MBD3: variants seen among roughly 807,000 people sequenced by gnomAD.
MBD3 encodes methyl-CpG binding domain protein 3, also known as methyl-CpG-binding domain protein 3.
In MBD3, 13 loss-of-function variants were observed where a neutral mutation model predicts 31.2. That is an observed-to-expected ratio of 0.42 (90% CI 0.27 to 0.66). The LOEUF (loss-of-function observed/expected upper bound fraction) is 0.66. Among genes scored for constraint, MBD3 ranks in the 30% least tolerant of loss-of-function variants. MBD3 has a pLI of 0.26. For synonymous variants in MBD3, 223 were observed against 187.4 expected (o/e 1.19, Z -1.55); for missense variants, 440 against 426.5 (o/e 1.03, Z -0.28).
chr19:1,585,158 G>C lies in MBD3; in HGVS notation c.167C>G (p.Ser56Cys), dbSNP rs1420213030. The C allele has an allele frequency of 6.2e-7, 1 of 1,610,058 alleles. No individual in the cohort carries two copies. Among genetic ancestry groups the C allele is most frequent in the Non-Finnish European group, 8.5e-7 (1 of 1,179,418 alleles). The change falls in exon 2 of 7, where the codon TCC (serine) becomes TGC (cysteine). Residue 56 changes from serine (S) to cysteine (C), a missense_variant. Transcript: ENST00000434436. The surrounding 1 kb of genome is among the most constrained non-coding windows in gnomAD (Gnocchi z 4.1). ...GAAGTCGAAGGTGCTCAGGTCCATG[G>C]AGCCGCCCAGGTAGCGCGCCAGCTG... ...KPQLARYLGG[S>C]MDLSTFDFRT...
At chr19:1,584,883 A>C in intron 2 of MBD3, 172 bp downstream of exon 2, 1 of 1,103,728 alleles carries the variant, frequency 9.1e-7, no homozygotes, top group Non-Finnish European at 1.3e-6. Context: ...CGTCCTCGCC[A>C]TGCGCCTTGC....
At position 1,575,356 on chromosome 19, in the gene MBD3, C is replaced by T. The variant is rs1207369818; in HGVS notation, c.*2808G>A. Reference sequence around the variant, plus strand: ...TGGAGGTTGCAGTGAGCCCAGATCACGCCACTGCACTCCAGCCTGTGCAAC... The same window carrying T: ...TGGAGGTTGCAGTGAGCCCAGATCATGCCACTGCACTCCAGCCTGTGCAAC... On this transcript the variant is annotated 3_prime_UTR_variant, in exon 7 of 7. Coordinates refer to ENST00000434436, the MANE Select transcript of MBD3 (RefSeq NM_001281453.2). 1.2e-5 allele frequency: 5 copies of T among 416,766 alleles called. No individual in the cohort carries two copies. Among genetic ancestry groups the T allele is most frequent in the South Asian group, 1.6e-5 (1 of 61,890 alleles). The allele number at this position is 416,766 out of a possible 1,614,324, so 25.8% of individuals were successfully genotyped here.
rs753031769 is a variant in MBD3, at chr19:1,584,683, G to A, written c.271-6C>T. 6 of 1,610,266 alleles carry A rather than the reference G, an allele frequency of 3.7e-6. No individual in the cohort carries two copies. Among genetic ancestry groups the A allele is most frequent in the Non-Finnish European group, 5.1e-6 (6 of 1,179,524 alleles). On this transcript the variant is annotated splice_region_variant and splice_polypyrimidine_tract_variant and intron_variant, in intron 2 of 6. Transcript: ENST00000434436. ...GTGTTCAGGTCGGGCTTGCCCTGCG[G>A]GAGGAAGGATATGCAGTCCGGCCTG...
Position 1,592,545 on chromosome 19 carries a change from G to T in MBD3, c.87C>A (p.Gly29=), listed in dbSNP as rs1380835567. 1.4e-6 allele frequency: 2 copies of T among 1,438,844 alleles called. No homozygotes were observed. The highest frequency in any genetic ancestry group is 1.9e-6 in the Non-Finnish European group (2 of 1,073,222). 89.1% of individuals were successfully genotyped at this position (1,438,844 alleles called of 1,614,324 possible). A position where few individuals can be genotyped will look rare whatever the true frequency, so the allele number is the denominator to read the frequency against. The part of the protein sequence containing the change: ...EVPRRSGLSA[G]HRDVFYYSPS... ...ACCTATAGTAAAAGACATCCCTGTGGCCGGCCGACAGCCCCGACCTTCTGG... is the reference window on the plus strand; with the variant it reads ...ACCTATAGTAAAAGACATCCCTGTGTCCGGCCGACAGCCCCGACCTTCTGG... Residue 29 remains glycine, a synonymous_variant, in exon 1 of 7, where the codon GGC becomes GGA. Coordinates refer to ENST00000434436, the MANE Select transcript of MBD3 (RefSeq NM_001281453.2).
In MBD3 at chr19:1,592,557, C is replaced by T. The variant is rs776072263; in HGVS notation, c.75G>A (p.Gly25=). The part of the protein sequence containing the change: ...WEREEVPRRS[G]LSAGHRDVFY... Reference sequence around the variant, plus strand: ...AGACATCCCTGTGGCCGGCCGACAGCCCCGACCTTCTGGGCACTTCTTCCC... The same window carrying T: ...AGACATCCCTGTGGCCGGCCGACAGTCCCGACCTTCTGGGCACTTCTTCCC... Residue 25 remains glycine (G), a synonymous_variant, in exon 1 of 7, where the codon GGG becomes GGA. Coordinates refer to ENST00000434436, the MANE Select transcript of MBD3 (RefSeq NM_001281453.2). 6.9e-7 allele frequency: 1 copy of T among 1,444,428 alleles called. No individual in the cohort carries two copies. Among genetic ancestry groups the T allele is most frequent in the South Asian group, 1.2e-5 (1 of 85,546 alleles). The allele number at this position is 1,444,428 out of a possible 1,614,324, so 89.5% of individuals were successfully genotyped here.
At chr19:1,579,890 T>C (rs1373679657) in intron 5 of MBD3, among the ~76,000 whole-genome samples, 3 of 152,238 alleles carry the variant, frequency 2.0e-5, no homozygotes, top group Admixed American at 1.3e-4. Flanking sequence ...CCCGAGTACC[T>C]GGGACTACAG....
intron 5 of MBD3, among the ~76,000 whole-genome samples, chr19:1,579,015 C>T (rs1917283465): frequency 6.6e-6 from 1 of 151,908 alleles, no homozygotes; most frequent in Non-Finnish European, 1.5e-5. Context: ...GAAACCCCAT[C>T]TCTACTAAAA....
rs899736500 is a variant in MBD3 at position 1,575,324 on chromosome 19, C to A, written c.*2840G>T. 6.8e-6 allele frequency: 3 copies of A among 440,094 alleles called. No individual in the cohort carries two copies. The highest frequency in any genetic ancestry group is 2.0e-5 in the African/African-American group (1 of 49,662). 27.3% of individuals were successfully genotyped at this position (440,094 alleles called of 1,614,324 possible). On this transcript the variant is annotated 3_prime_UTR_variant, in exon 7 of 7. Transcript: ENST00000434436. ...TACTCGGGAGGCTGAGGCTTGAACC[C>A]AGAAGGTGGAGGTTGCAGTGAGCCC...
chr19:1,591,229 AG>A (rs1390482514), intron 1 of MBD3, among the ~76,000 whole-genome samples: 1 of 152,224 alleles, frequency 6.6e-6, no homozygotes, highest in Non-Finnish European at 1.5e-5. Context: ...GGACGTGTAC[AG>A]GGTTCCAGCT....
intron 4 of MBD3, among the ~76,000 whole-genome samples, 180 bp downstream of exon 4, chr19:1,582,442 G>A: frequency 6.6e-6 from 1 of 152,096 alleles, no homozygotes; most frequent in Non-Finnish European, 1.5e-5. Flanking sequence ...CCCAGCCCAA[G>A]CGCCCTTACC....
At position 1,585,746 on chromosome 19, in the gene MBD3, G is replaced by A. The variant is rs1231311645; in HGVS notation, c.111-532C>T. Among the ~76,000 whole-genome samples the A allele has an allele frequency of 6.6e-6, 1 of 152,214 alleles. No homozygotes were observed. Among genetic ancestry groups the A allele is most frequent in the Non-Finnish European group, 1.5e-5 (1 of 68,048 alleles). On this transcript the variant is annotated intron_variant, in intron 1 of 6. Coordinates refer to ENST00000434436, the MANE Select transcript of MBD3 (RefSeq NM_001281453.2). This position sits in a 1 kb window ranked among gnomAD's most constrained non-coding sequence, Gnocchi z 4.1. ...GACCCCACGGAGAACAGGTATGTGAGGGACAGCCCTAAAAGCAATCTTCTT... is the reference window on the plus strand; with the variant it reads ...GACCCCACGGAGAACAGGTATGTGAAGGACAGCCCTAAAAGCAATCTTCTT...
chr19:1,578,578 G>C lies in MBD3; in HGVS notation c.678-40C>G, dbSNP rs375510291. The C allele has an allele frequency of 1.2e-6, 2 of 1,608,450 alleles. No individual in the cohort carries two copies. Among genetic ancestry groups the C allele is most frequent in the Non-Finnish European group, 1.7e-6 (2 of 1,179,878 alleles). ...ACCTTGCGTTACACCAAGGTGAGCGGCCAGCAGGACATGGACACAGGATGA... is the reference window on the plus strand; with the variant it reads ...ACCTTGCGTTACACCAAGGTGAGCGCCCAGCAGGACATGGACACAGGATGA... On this transcript the variant is annotated intron_variant, in intron 5 of 6. Transcript: ENST00000434436. The surrounding 1 kb of genome is among the most constrained non-coding windows in gnomAD (Gnocchi z 6.1).
At chr19:1,588,593 G>T (rs1599348324) in intron 1 of MBD3, among the ~76,000 whole-genome samples, 1 of 151,336 alleles carries the variant, frequency 6.6e-6, no homozygotes, top group Non-Finnish European at 1.5e-5. Context: ...ACCAGCCTGG[G>T]CAACATGGTG....
At chr19:1,588,640 G>A (rs2060689846) in intron 1 of MBD3, among the ~76,000 whole-genome samples, 2 of 151,960 alleles carry the variant, frequency 1.3e-5, no homozygotes, top group South Asian at 4.2e-4. Flanking sequence ...AATTGGCCGG[G>A]CACAGTGGCA....
rs1161005764 is a variant in MBD3, at chr19:1,592,756, C to T, written c.-125G>A. The T allele has an allele frequency of 1.7e-5, 3 of 178,166 alleles. No homozygotes were observed. The highest frequency in any genetic ancestry group is 1.4e-4 in the Admixed American group (2 of 14,788). 11.0% of individuals were successfully genotyped at this position (178,166 alleles called of 1,614,324 possible). Reference sequence around the variant, plus strand: ...GCCACTTGCCGCGGCTGTTCCGGCCCGCGGGCCCCCGCCCTCCGCCCCCAG... The same window carrying T: ...GCCACTTGCCGCGGCTGTTCCGGCCTGCGGGCCCCCGCCCTCCGCCCCCAG... On this transcript the variant is annotated 5_prime_UTR_variant, in exon 1 of 7. Coordinates refer to ENST00000434436, the MANE Select transcript of MBD3 (RefSeq NM_001281453.2).
rs74680888 is a variant in MBD3 at position 1,574,508 on chromosome 19, C to G, written c.*3656G>C. 9 of 152,584 alleles carry G rather than the reference C, an allele frequency of 5.9e-5. No homozygotes were observed. The highest frequency in any genetic ancestry group is 2.2e-4 in the African/African-American group (9 of 41,440). 9.5% of individuals were successfully genotyped at this position (152,584 alleles called of 1,614,324 possible). A position where few individuals can be genotyped will look rare whatever the true frequency, so the allele number is the denominator to read the frequency against. On this transcript the variant is annotated 3_prime_UTR_variant, in exon 7 of 7. Coordinates refer to ENST00000434436, the MANE Select transcript of MBD3 (RefSeq NM_001281453.2). ...GGGTGGACTCCTCCAGGGGCATCTGCGCCGTGGCCGGTGTCAGAGCCTGGT... is the reference window on the plus strand; with the variant it reads ...GGGTGGACTCCTCCAGGGGCATCTGGGCCGTGGCCGGTGTCAGAGCCTGGT...
rs142135299 is a variant in MBD3, at chr19:1,578,016, C to A, written c.*148G>T. 4 of 469,794 alleles carry A rather than the reference C, an allele frequency of 8.5e-6. No individual in the cohort carries two copies. Among genetic ancestry groups the A allele is most frequent in the African/African-American group, 2.0e-5 (1 of 51,056 alleles). 29.1% of individuals were successfully genotyped at this position (469,794 alleles called of 1,614,324 possible). On this transcript the variant is annotated 3_prime_UTR_variant, in exon 7 of 7. Transcript: ENST00000434436. This position sits in a 1 kb window ranked among gnomAD's most constrained non-coding sequence, Gnocchi z 6.1. The stretch of plus-strand genomic sequence containing the variant: ...GCCCCGAGGCCCCGGGAAGTGGGGA[C>A]GGGCCGAGGAGGGAGCCAGGAGCAC...
At position 1,578,197 on chromosome 19, in the gene MBD3, G is replaced by T; in HGVS notation, c.*6-39C>A. ...GGAGGGCTGGCTTTAGCGACTCCAC[G>T]GGACGGGGACGCTTGGGCTCTTCTA... On this transcript the variant is annotated intron_variant, in intron 6 of 6. Transcript: ENST00000434436. The surrounding 1 kb of genome is among the most constrained non-coding windows in gnomAD (Gnocchi z 6.1). 7.4e-7 allele frequency: 1 copy of T among 1,356,384 alleles called. No individual in the cohort carries two copies. Among genetic ancestry groups the T allele is most frequent in the East Asian group, 2.3e-5 (1 of 43,096 alleles). 84.0% of individuals were successfully genotyped at this position (1,356,384 alleles called of 1,614,324 possible). A position where few individuals can be genotyped will look rare whatever the true frequency, so the allele number is the denominator to read the frequency against.
In MBD3 at chr19:1,578,279, A is replaced by T; in HGVS notation, c.*5+56T>A. 2 of 1,596,692 alleles carry T rather than the reference A, an allele frequency of 1.3e-6. No individual in the cohort carries two copies. The highest frequency in any genetic ancestry group is 1.7e-6 in the Non-Finnish European group (2 of 1,178,262). Reference sequence around the variant, plus strand: ...CATCCCAAGCACATCTGTGTTCACCAGGCAGTCCCCACTGCCAGGACCCGA... The same window carrying T: ...CATCCCAAGCACATCTGTGTTCACCTGGCAGTCCCCACTGCCAGGACCCGA... On this transcript the variant is annotated intron_variant, in intron 6 of 6. Coordinates refer to ENST00000434436, the MANE Select transcript of MBD3 (RefSeq NM_001281453.2). This position sits in a 1 kb window ranked among gnomAD's most constrained non-coding sequence, Gnocchi z 6.1.
Sources: allele counts gnomAD v4.1 joint callset (sites outside exome capture counted in the v4.1 genomes callset), GRCh38; gene constraint gnomAD v4.1.1; non-coding constraint Gnocchi (gnomAD v3.1); transcripts MANE v1.5; gene names NCBI Gene and HGNC (gene_info 2026-07-23, HGNC 2026-07-21).